The following COL5A2 variants were observed in gnomAD, a reference collection of about 807,000 sequenced individuals.
COL5A2 encodes collagen type V alpha 2 chain, also known as collagen alpha-2(V) chain.
In COL5A2, 23 loss-of-function variants were observed where a neutral mutation model predicts 208.2. The ratio of observed to expected loss-of-function variants is 0.11; its 90% CI spans 0.08 to 0.16. The LOEUF (loss-of-function observed/expected upper bound fraction) is 0.16, where lower values mean the gene tolerates loss of function less well. Ranked by LOEUF, COL5A2 falls within the 10% of genes least tolerant of loss-of-function variation. The pLI is 1.00. For missense variants in COL5A2, 1,590 were observed against 1,956.4 expected, an observed-to-expected ratio of 0.81 and a Z score of 3.53; for synonymous variants, 625 against 628.5, an observed-to-expected ratio of 0.99 and a Z score of 0.08.
At chr2:189,276,831 C>T in the COL5A2 span, among the ~76,000 whole-genome samples, 81 of 152,174 alleles carry the variant, frequency 5.3e-4, no homozygotes, top group East Asian at 0.015. Context: ...TTTGAGTTCT[C>T]ATCTCATTTC....
At chr2:189,353,194 T>G in the COL5A2 span, among the ~76,000 whole-genome samples, 2 of 152,208 alleles carry the variant, frequency 1.3e-5, no homozygotes, top group Non-Finnish European at 2.9e-5. Flanking sequence ...TGCTGTAGCC[T>G]TGTATTGTAG....
At chr2:189,406,066 G>A in the COL5A2 span, among the ~76,000 whole-genome samples, 24 of 152,186 alleles carry the variant, frequency 1.6e-4, no homozygotes, top group East Asian at 2.3e-3. Flanking sequence ...GCACATTCCC[G>A]AACAGTAATT....
the COL5A2 span, among the ~76,000 whole-genome samples, chr2:189,252,721 C>A: frequency 2.6e-5 from 4 of 151,416 alleles, no homozygotes; most frequent in African/African-American, 9.7e-5. Flanking sequence ...TGTAACAAAC[C>A]TGCACATTGT....
intron 1 of COL5A2, among the ~76,000 whole-genome samples, chr2:189,125,359 G>T (rs1195243679): frequency 2.0e-5 from 3 of 152,110 alleles, no homozygotes; most frequent in African/African-American, 7.2e-5. Flanking sequence ...GGAATTCTAA[G>T]GCATAGACAA....
At chr2:189,296,393 A>T in the COL5A2 span, among the ~76,000 whole-genome samples, 7 of 152,128 alleles carry the variant, frequency 4.6e-5, no homozygotes. Flanking sequence ...GTCATTTTAA[A>T]GTCACTCTGC....
At chr2:189,225,239 T>A (rs2105882709) in exon 1 of COL5A2, among the ~76,000 whole-genome samples, 1 of 152,216 alleles carries the variant, frequency 6.6e-6, no homozygotes, top group East Asian at 1.9e-4. Flanking sequence ...AACTCTAGGA[T>A]CCAAAAGCCT....
intron 1 of COL5A2, among the ~76,000 whole-genome samples, chr2:189,110,984 TA>T (rs1480646961): frequency 6.6e-6 from 1 of 152,196 alleles, no homozygotes; most frequent in Admixed American, 6.5e-5. Context: ...AAATGTACAG[TA>T]AAAAAGTATA....
chr2:189,247,032 C>A, the COL5A2 span, among the ~76,000 whole-genome samples: 1 of 152,124 alleles, frequency 6.6e-6, no homozygotes, highest in Non-Finnish European at 1.5e-5. Flanking sequence ...CCTCTACTTC[C>A]ACACAGAACA....
the COL5A2 span, among the ~76,000 whole-genome samples, chr2:189,431,066 G>C: frequency 6.6e-6 from 1 of 152,178 alleles, no homozygotes; most frequent in Non-Finnish European, 1.5e-5. Flanking sequence ...GTCTGGAGTG[G>C]ACCTCCAGCA....
intron 8 of COL5A2, among the ~76,000 whole-genome samples, chr2:189,087,627 GTA>G (rs1686691268): frequency 7.4e-6 from 1 of 134,326 alleles, no homozygotes; most frequent in Admixed American, 7.6e-5. Flanking sequence ...TAATTGTTTT[GTA>G]TTTTTTTTTT....
chr2:189,418,518 A>T, the COL5A2 span, among the ~76,000 whole-genome samples: 1 of 152,352 alleles, frequency 6.6e-6, no homozygotes, highest in Non-Finnish European at 1.5e-5. Context: ...AGGAACTGAG[A>T]AAATAACCAC....
At chr2:189,404,891 G>C in the COL5A2 span, among the ~76,000 whole-genome samples, 1 of 152,144 alleles carries the variant, frequency 6.6e-6, no homozygotes, top group African/African-American at 2.4e-5. Context: ...ACTACGATGT[G>C]TTTATCCACT....
chr2:189,354,066 A>T, the COL5A2 span, among the ~76,000 whole-genome samples: 1 of 152,162 alleles, frequency 6.6e-6, no homozygotes, highest in African/African-American at 2.4e-5. Flanking sequence ...GGTTCTGTTT[A>T]GGTGATGGAT....
the COL5A2 span, among the ~76,000 whole-genome samples, chr2:189,436,692 C>A: frequency 6.6e-6 from 1 of 152,110 alleles, no homozygotes; most frequent in Non-Finnish European, 1.5e-5. Context: ...AAGATCATGT[C>A]CTTTGCAGGG....
chr2:189,337,471 C>A, the COL5A2 span, among the ~76,000 whole-genome samples: 2 of 151,892 alleles, frequency 1.3e-5, no homozygotes, highest in Admixed American at 6.6e-5. Flanking sequence ...CGTGAGCCAC[C>A]GCGCCCGGCC....
Position 189,043,220 on chromosome 2 carries a change from T to C in COL5A2, c.3402A>G (p.Gly1134=), listed in dbSNP as rs1325284845. 6.2e-7 allele frequency: 1 copy of C among 1,613,800 alleles called. No individual in the cohort carries two copies. The highest frequency in any genetic ancestry group is 1.3e-5 in the African/African-American group (1 of 74,924). ...CCTTCTGACCTCTGTCACCTCGGTC[T>C]CCATGATCACCTTTGTCACCACGAG... The part of the protein sequence containing the change: ...QGPRGDKGDH[G]DRGDRGQKGH... The change falls in exon 48 of 54, where the codon GGA becomes GGG. Residue 1134 remains glycine (G), a synonymous_variant. Coordinates refer to ENST00000374866, the MANE Select transcript of COL5A2 (RefSeq NM_000393.5).
At chr2:189,433,678 A>G in the COL5A2 span, among the ~76,000 whole-genome samples, 1 of 152,196 alleles carries the variant, frequency 6.6e-6, no homozygotes, top group Admixed American at 6.5e-5. Context: ...TCTGAAATTG[A>G]GGCAATAATT....
At chr2:189,049,314 C>G in intron 44 of COL5A2, 33 bp downstream of exon 44, 1 of 1,442,238 alleles carries the variant, frequency 6.9e-7, no homozygotes, top group Non-Finnish European at 9.7e-7. Flanking sequence ...CACCAGATAA[C>G]AAGAGAAGAG....
chr2:189,250,704 C>A, the COL5A2 span, among the ~76,000 whole-genome samples: 2 of 152,078 alleles, frequency 1.3e-5, no homozygotes, highest in East Asian at 3.9e-4. Flanking sequence ...CTTTAAATAA[C>A]CTTGATTCTT....
Sources: allele counts gnomAD v4.1 joint callset (sites outside exome capture counted in the v4.1 genomes callset), GRCh38; gene constraint gnomAD v4.1.1; transcripts MANE v1.5; gene names NCBI Gene and HGNC (gene_info 2026-07-23, HGNC 2026-07-21).